The following BNIP3L variants were observed in gnomAD, a reference collection of about 807,000 sequenced individuals.
BNIP3L encodes the protein BCL2 interacting protein 3 like.
BNIP3L carries 10 observed loss-of-function variants against 25.5 expected under a neutral mutation model. That is an observed-to-expected ratio of 0.39 (90% CI 0.24 to 0.67). The LOEUF is 0.67. BNIP3L is among the 30% of genes least tolerant of loss of function. The pLI is 0.45. For missense variants in BNIP3L, 215 were observed against 270.9 expected, an observed-to-expected ratio of 0.79 and a Z score of 1.45; for synonymous variants, 113 against 101.2, an observed-to-expected ratio of 1.12 and a Z score of -0.70.
intron 3 of BNIP3L, among the ~76,000 whole-genome samples, chr8:26,404,393 A>G (rs1806454432): frequency 1.3e-5 from 2 of 152,244 alleles, no homozygotes; most frequent in Admixed American, 6.5e-5. Flanking sequence ...GAATCATGGT[A>G]TACAGCTTAA....
Position 26,391,225 on chromosome 8 carries a change from ATCTGACTTG to A in BNIP3L, c.101-15_101-7del. ...ATTTCAGTTCTGCTGTGGTTAACTT[ATCTGACTTG>A]TCCAACAGGTTCCTGGGTGGAGCTA... On this transcript the variant is annotated splice_polypyrimidine_tract_variant and intron_variant, in intron 1 of 5. Coordinates refer to ENST00000380629, the MANE Select transcript of BNIP3L (RefSeq NM_004331.3). 4 of 1,563,440 alleles carry A rather than the reference ATCTGACTTG, an allele frequency of 2.6e-6. No homozygotes were observed. The highest frequency in any genetic ancestry group is 3.5e-6 in the Non-Finnish European group (4 of 1,154,362).
chr8:26,393,887 A>T (rs550595991), intron 2 of BNIP3L, among the ~76,000 whole-genome samples: 1 of 152,136 alleles, frequency 6.6e-6, no homozygotes, highest in East Asian at 1.9e-4. Flanking sequence ...AAAATCTCCT[A>T]TGTCAATTAT....
rs1247196589 is a variant in BNIP3L at position 26,408,548 on chromosome 8, A to G, written c.611+172A>G. 2.6e-5 allele frequency among the ~76,000 whole-genome samples: 4 copies of G among 152,238 alleles called. 1 individual carries two copies. The highest frequency in any genetic ancestry group is 5.9e-5 in the Non-Finnish European group (4 of 68,046). On this transcript the variant is annotated intron_variant, in intron 5 of 5. Transcript: ENST00000380629. ...ATTGTTCTACAAATAAGCATTTTTA[A>G]TAATAGTAGAGTGTGTTTTCTTATT...
chr8:26,400,643 A>G (rs1488755857), intron 3 of BNIP3L, among the ~76,000 whole-genome samples: 2 of 132,234 alleles, frequency 1.5e-5, no homozygotes, highest in Non-Finnish European at 3.2e-5. Flanking sequence ...ACAACATGGG[A>G]GAAAATTTTC....
At chr8:26,406,024 C>G (rs1463667817) in intron 3 of BNIP3L, among the ~76,000 whole-genome samples, 2 of 152,196 alleles carry the variant, frequency 1.3e-5, no homozygotes, top group Non-Finnish European at 2.9e-5. Flanking sequence ...GCCTGGGTGA[C>G]AGAGCGAGAC....
intron 3 of BNIP3L, among the ~76,000 whole-genome samples, chr8:26,407,171 A>G (rs1451784574): frequency 4.0e-5 from 6 of 150,400 alleles, no homozygotes; most frequent in Non-Finnish European, 5.9e-5. Context: ...ATGCCCGGCT[A>G]ATTTTTTTTT....
At chr8:26,403,635 C>A (rs1806438861) in intron 3 of BNIP3L, among the ~76,000 whole-genome samples, 2 of 151,618 alleles carry the variant, frequency 1.3e-5, no homozygotes. Context: ...ATTCCCGGCT[C>A]AAGCAATCTT....
intron 2 of BNIP3L, among the ~76,000 whole-genome samples, chr8:26,392,843 G>A (rs558959482): frequency 6.6e-6 from 1 of 152,208 alleles, no homozygotes; most frequent in South Asian, 2.1e-4. Context: ...TGATACCATG[G>A]TGTCCATGAG....
chr8:26,384,655 T>C (rs996985422), intron 1 of BNIP3L, among the ~76,000 whole-genome samples: 6 of 151,956 alleles, frequency 3.9e-5, no homozygotes, highest in African/African-American at 1.5e-4. Context: ...AATGGCCTTG[T>C]CCAAGTTCAC....
In BNIP3L at chr8:26,410,477, T is replaced by C; in HGVS notation, c.*65T>C. The C allele has an allele frequency of 2.5e-6, 4 of 1,587,678 alleles. No individual in the cohort carries two copies. The highest frequency in any genetic ancestry group is 3.5e-6 in the Non-Finnish European group (4 of 1,156,326). On this transcript the variant is annotated 3_prime_UTR_variant, in exon 6 of 6. Coordinates refer to ENST00000380629, the MANE Select transcript of BNIP3L (RefSeq NM_004331.3). ...AGTGGTGTATTGTCACAGTAGCTTA[T>C]TTGAACTTGAGACCATTGTAAGCAT...
At chr8:26,384,075 G>A (rs1214777775) in intron 1 of BNIP3L, among the ~76,000 whole-genome samples, 1 of 152,056 alleles carries the variant, frequency 6.6e-6, no homozygotes, top group Non-Finnish European at 1.5e-5. Context: ...CCCAGGCCAG[G>A]GTCTTTTCAT....
At chr8:26,389,020 G>C (rs1806050485) in intron 1 of BNIP3L, among the ~76,000 whole-genome samples, 1 of 152,058 alleles carries the variant, frequency 6.6e-6, no homozygotes, top group African/African-American at 2.4e-5. Flanking sequence ...CAGAAAACCT[G>C]ATATTGTTTG....
intron 1 of BNIP3L, chr8:26,383,500 C>CG (rs1172179278): frequency 8.9e-6 from 8 of 903,712 alleles, no homozygotes; most frequent in Non-Finnish European, 9.1e-6. Context: ...CCCCCTGGTG[C>CG]GGGGGGTGGT....
At chr8:26,396,378 C>A (rs1328867150) in intron 3 of BNIP3L, among the ~76,000 whole-genome samples, 2 of 73,418 alleles carry the variant, frequency 2.7e-5, no homozygotes, top group African/African-American at 1.1e-4. Context: ...ACACCTCACA[C>A]GGCAGGGTAT....
intron 1 of BNIP3L, among the ~76,000 whole-genome samples, chr8:26,390,109 TTTAC>T (rs552104830): frequency 9.2e-5 from 14 of 152,322 alleles, no homozygotes; most frequent in East Asian, 3.9e-4. Flanking sequence ...TAACAATTTA[TTTAC>T]TTACTTACTT....
chr8:26,401,563 AAAAAAAAAAAC>A (rs1806377990), intron 3 of BNIP3L, among the ~76,000 whole-genome samples: 1 of 149,254 alleles, frequency 6.7e-6, no homozygotes, highest in South Asian at 2.1e-4. Context: ...ACTTAAATTA[AAAAAAAAAAAC>A]AAAAAAAAAA....
intron 1 of BNIP3L, among the ~76,000 whole-genome samples, chr8:26,384,486 G>A (rs981974586): frequency 3.9e-5 from 6 of 152,188 alleles, no homozygotes; most frequent in African/African-American, 4.8e-5. Flanking sequence ...TAGGATGAAT[G>A]TATGAGTCTT....
chr8:26,391,115 C>T (rs1806099659), intron 1 of BNIP3L, 128 bp from the exon 2 acceptor site: 4 of 715,452 alleles, frequency 5.6e-6, no homozygotes, highest in Non-Finnish European at 8.5e-6. Flanking sequence ...TATTTATTTT[C>T]TTCAGAATAC....
intron 1 of BNIP3L, among the ~76,000 whole-genome samples, chr8:26,389,296 TC>T (rs996858908): frequency 2.2e-4 from 33 of 152,110 alleles, no homozygotes; most frequent in Non-Finnish European, 4.6e-4. Flanking sequence ...ACATATTCTC[TC>T]CCCCACCCCC....
Sources: allele counts gnomAD v4.1 joint callset (sites outside exome capture counted in the v4.1 genomes callset), GRCh38; gene constraint gnomAD v4.1.1; transcripts MANE v1.5; gene names NCBI Gene and HGNC (gene_info 2026-07-23, HGNC 2026-07-21).